RGS6: variants seen among roughly 807,000 people sequenced by gnomAD.
RGS6 encodes the protein regulator of G protein signaling 6.
In RGS6, 30 loss-of-function variants were observed where a neutral mutation model predicts 78.5. The observed-to-expected ratio is 0.38, with a 90% CI of 0.29 to 0.52. The LOEUF (loss-of-function observed/expected upper bound fraction) is 0.52, where lower values mean the gene tolerates loss of function less well. Among genes scored for constraint, RGS6 ranks in the 20% least tolerant of loss-of-function variants. The pLI is 0.85. For synonymous variants in RGS6, 206 were observed against 206.0 expected (o/e 1.00, Z 0.00); for missense variants, 495 against 609.7 (o/e 0.81, Z 1.98).
At chr14:71,965,292 C>T (rs1384753737) in intron 2 of RGS6, among the ~76,000 whole-genome samples, 4 of 152,148 alleles carry the variant, frequency 2.6e-5, no homozygotes, top group African/African-American at 9.7e-5. Context: ...AAGATGTACA[C>T]AAATAACTGT....
intron 2 of RGS6, among the ~76,000 whole-genome samples, chr14:72,031,741 G>A (rs2090928816): frequency 6.6e-6 from 1 of 152,188 alleles, no homozygotes. Context: ...AAGTCATGTG[G>A]CCATGCTAAC....
At chr14:72,499,173 C>T (rs551755654) in intron 13 of RGS6, among the ~76,000 whole-genome samples, 3 of 152,170 alleles carry the variant, frequency 2.0e-5, no homozygotes, top group African/African-American at 7.2e-5. Context: ...TTAGGGGAAC[C>T]CACTTGGATC....
the RGS6 span, among the ~76,000 whole-genome samples, chr14:71,902,451 C>A: frequency 9.7e-4 from 148 of 152,070 alleles, 1 homozygote; most frequent in Non-Finnish European, 1.6e-3. Context: ...ATCAAAGGGG[C>A]CTTTGAGTGT....
intron 2 of RGS6, among the ~76,000 whole-genome samples, chr14:72,219,724 C>A (rs1021675240): frequency 6.6e-5 from 10 of 152,130 alleles, no homozygotes; most frequent in Non-Finnish European, 1.0e-4. Context: ...TATCAACCTT[C>A]CTCTTGTGAT....
At chr14:72,053,053 C>CTTCCCTCCCTTCCCTCCCTTCCCTCCCT (rs1208395478) in intron 2 of RGS6, among the ~76,000 whole-genome samples, 1 of 13,042 alleles carries the variant, frequency 7.7e-5, no homozygotes, top group Non-Finnish European at 1.4e-4. Context: ...CCCTCCCTCC[C>CTTCCCTCCCTTCCCTCCCTTCCCTCCCT]TCCCTCCCTC....
the RGS6 span, among the ~76,000 whole-genome samples, chr14:71,896,609 T>A: frequency 6.6e-3 from 1,002 of 152,268 alleles, 11 homozygotes; most frequent in African/African-American, 0.022. Context: ...GCCCAGTAGG[T>A]CTCAGCCTCA....
chr14:72,621,578 C>T, the RGS6 span, among the ~76,000 whole-genome samples: 29,489 of 152,090 alleles, frequency 0.19, 3,882 homozygotes, highest in East Asian at 0.58. Context: ...GAGTTATCAA[C>T]AGGGGAGTGA....
At chr14:72,188,128 G>T (rs1022278441) in intron 2 of RGS6, among the ~76,000 whole-genome samples, 1 of 152,010 alleles carries the variant, frequency 6.6e-6, no homozygotes, top group Non-Finnish European at 1.5e-5. Context: ...TGTGCCTTGG[G>T]AAGAAATATG....
At chr14:72,618,796 C>T in the RGS6 span, among the ~76,000 whole-genome samples, 1 of 152,210 alleles carries the variant, frequency 6.6e-6, no homozygotes, top group African/African-American at 2.4e-5. Flanking sequence ...TAGAAGTTTC[C>T]AGTGAGGCTT....
chr14:71,896,845 CT>C, the RGS6 span, among the ~76,000 whole-genome samples: 1 of 152,134 alleles, frequency 6.6e-6, no homozygotes, highest in African/African-American at 2.4e-5. Flanking sequence ...TTGGTCTGAC[CT>C]TGCTATTTTA....
chr14:72,596,925 G>A, the RGS6 span, among the ~76,000 whole-genome samples: 2 of 152,130 alleles, frequency 1.3e-5, no homozygotes, highest in Non-Finnish European at 2.9e-5. Flanking sequence ...TGTAAAACGG[G>A]TAGAATAATG....
intron 3 of RGS6, among the ~76,000 whole-genome samples, chr14:72,436,253 C>T (rs11158955): frequency 0.33 from 49,478 of 149,868 alleles, 8,738 homozygotes; most frequent in East Asian, 0.64. Context: ...TAAGCTACTG[C>T]CATCTTATTT....
chr14:72,407,644 C>G (rs1319643949), intron 3 of RGS6, among the ~76,000 whole-genome samples: 3 of 152,308 alleles, frequency 2.0e-5, no homozygotes, highest in East Asian at 3.9e-4. Flanking sequence ...TCTAAAGCCC[C>G]CTTTGTCAGG....
chr14:72,082,140 T>G (rs910661707), intron 2 of RGS6, among the ~76,000 whole-genome samples: 10 of 152,072 alleles, frequency 6.6e-5, no homozygotes, highest in African/African-American at 2.4e-4. Flanking sequence ...TGGGGTCTTT[T>G]GTGGTTCCAT....
chr14:72,029,861 TACTG>T (rs1175271851), intron 2 of RGS6, among the ~76,000 whole-genome samples: 1 of 152,246 alleles, frequency 6.6e-6, no homozygotes, highest in African/African-American at 2.4e-5. Context: ...TGAAGGTGAA[TACTG>T]ACTGTCATAT....
chr14:71,876,565 ATGTCTCTGCACATGAGATG>A, the RGS6 span, among the ~76,000 whole-genome samples: 12 of 125,872 alleles, frequency 9.5e-5, no homozygotes, highest in Non-Finnish European at 3.2e-5. Flanking sequence ...GAGCCTATGT[ATGTCTCTGCACATGAGATG>A]TGTCTCCTGA....
intron 2 of RGS6, among the ~76,000 whole-genome samples, chr14:72,198,096 C>T (rs985589326): frequency 6.6e-6 from 1 of 152,086 alleles, no homozygotes; most frequent in African/African-American, 2.4e-5. Context: ...CGCAGCGGCT[C>T]ACACCTGTAA....
intron 2 of RGS6, among the ~76,000 whole-genome samples, chr14:72,258,575 G>T (rs1224300311): frequency 6.6e-6 from 1 of 152,202 alleles, no homozygotes; most frequent in Non-Finnish European, 1.5e-5. Flanking sequence ...TGTATTGTTT[G>T]TTTTTAAAGT....
At chr14:72,149,199 A>G (rs1005416629) in intron 2 of RGS6, among the ~76,000 whole-genome samples, 1 of 152,200 alleles carries the variant, frequency 6.6e-6, no homozygotes, top group Non-Finnish European at 1.5e-5. Context: ...GCTGGGTTTC[A>G]AGGTGAGTGT....
Sources: allele counts gnomAD v4.1 joint callset (sites outside exome capture counted in the v4.1 genomes callset), GRCh38; gene constraint gnomAD v4.1.1; transcripts MANE v1.5; gene names NCBI Gene and HGNC (gene_info 2026-07-23, HGNC 2026-07-21).